The following RALGAPA2 variants were observed in gnomAD, a reference collection of about 807,000 sequenced individuals.
RALGAPA2 encodes Ral GTPase activating protein catalytic subunit alpha 2, also known as ral GTPase-activating protein subunit alpha-2.
Under a neutral mutation model 230.4 loss-of-function variants are expected in RALGAPA2, and 139 were observed. The observed-to-expected ratio is 0.60, with a 90% confidence interval of 0.53 to 0.69. The LOEUF (loss-of-function observed/expected upper bound fraction) is 0.69. RALGAPA2 is among the 30% of genes least tolerant of loss of function. The pLI, the probability that RALGAPA2 is intolerant of heterozygous loss-of-function variation, is 0.00. For synonymous variants in RALGAPA2, 847 were observed against 837.8 expected (o/e 1.01, Z -0.19); for missense variants, 2,163 against 2,276.0 (o/e 0.95, Z 1.01).
At chr20:20,570,013 T>C (rs1250427224) in intron 23 of RALGAPA2, among the ~76,000 whole-genome samples, 2 of 152,194 alleles carry the variant, frequency 1.3e-5, no homozygotes, top group African/African-American at 4.8e-5. Flanking sequence ...ATCCTCCACA[T>C]ACCCTGAGTT....
intron 20 of RALGAPA2, 48 bp from the exon 21 acceptor site, chr20:20,573,116 A>C: frequency 7.2e-7 from 1 of 1,397,512 alleles, no homozygotes; most frequent in Non-Finnish European, 9.5e-7. Context: ...TCTTGATTTC[A>C]TCATACCTTT....
At chr20:20,460,767 A>T (rs1437081621) in intron 37 of RALGAPA2, among the ~76,000 whole-genome samples, 1 of 152,214 alleles carries the variant, frequency 6.6e-6, no homozygotes, top group African/African-American at 2.4e-5. Context: ...GTGCACACAT[A>T]TGGGCATACC....
At chr20:20,701,170 T>C (rs897443840) in intron 1 of RALGAPA2, among the ~76,000 whole-genome samples, 2 of 152,250 alleles carry the variant, frequency 1.3e-5, no homozygotes, top group Admixed American at 1.3e-4. Context: ...TCATTGGATG[T>C]GTAACCTTGA....
At chr20:20,432,979 A>AC (rs1238554510) in intron 37 of RALGAPA2, among the ~76,000 whole-genome samples, 14 of 152,380 alleles carry the variant, frequency 9.2e-5, no homozygotes, top group South Asian at 4.1e-4. Flanking sequence ...ACTCGTGAGC[A>AC]CCAAGAATCT....
At chr20:20,677,712 C>T (rs539371028) in intron 2 of RALGAPA2, among the ~76,000 whole-genome samples, 7 of 132,420 alleles carry the variant, frequency 5.3e-5, no homozygotes, top group East Asian at 2.4e-4. Flanking sequence ...GGCGCGATCT[C>T]GGCTCACTGC....
chr20:20,509,417 G>A (rs779296444), intron 33 of RALGAPA2, among the ~76,000 whole-genome samples: 9 of 152,100 alleles, frequency 5.9e-5, no homozygotes, highest in Non-Finnish European at 1.3e-4. Context: ...CCTTTATCCA[G>A]GTAAAACTAC....
At chr20:20,660,179 T>A (rs906012755) in intron 3 of RALGAPA2, among the ~76,000 whole-genome samples, 1 of 151,118 alleles carries the variant, frequency 6.6e-6, no homozygotes, top group Non-Finnish European at 1.5e-5. Flanking sequence ...GGTAAGCTGA[T>A]ATTGCACCAC....
intron 23 of RALGAPA2, among the ~76,000 whole-genome samples, chr20:20,553,321 G>C (rs561567117): frequency 6.6e-6 from 1 of 152,152 alleles, no homozygotes; most frequent in Admixed American, 6.5e-5. Flanking sequence ...GGAAGCCAAG[G>C]CGGGAGGATC....
chr20:20,612,939 AG>A (rs2066019329), intron 13 of RALGAPA2, among the ~76,000 whole-genome samples: 1 of 152,240 alleles, frequency 6.6e-6, no homozygotes, highest in Admixed American at 6.5e-5. Flanking sequence ...GAATGTGATG[AG>A]AACAACAGAC....
intron 1 of RALGAPA2, among the ~76,000 whole-genome samples, chr20:20,705,066 C>G (rs1320853118): frequency 6.6e-6 from 1 of 152,236 alleles, no homozygotes; most frequent in African/African-American, 2.4e-5. Flanking sequence ...CACTCAAAAC[C>G]CTCACGGTAA....
At chr20:20,693,418 C>T (rs753496807) in intron 1 of RALGAPA2, among the ~76,000 whole-genome samples, 13 of 152,260 alleles carry the variant, frequency 8.5e-5, no homozygotes, top group Non-Finnish European at 1.6e-4. Flanking sequence ...TTTCATTAGA[C>T]ATTTTAAAGT....
At chr20:20,598,847 T>C (rs1291446974) in intron 16 of RALGAPA2, 3 of 446,788 alleles carry the variant, frequency 6.7e-6, no homozygotes, top group African/African-American at 2.0e-5. Flanking sequence ...GTAATAATTA[T>C]GTCAGAAGAA....
At chr20:20,441,871 T>G (rs1178392322) in intron 37 of RALGAPA2, among the ~76,000 whole-genome samples, 1 of 152,212 alleles carries the variant, frequency 6.6e-6, no homozygotes, top group Non-Finnish European at 1.5e-5. Context: ...AAGTATACAT[T>G]ATTTATCACA....
chr20:20,640,608 C>G (rs2066998941), intron 6 of RALGAPA2, 93 bp downstream of exon 6: 1 of 1,263,138 alleles, frequency 7.9e-7, no homozygotes, highest in Admixed American at 2.2e-5. Context: ...CAGACTCCAT[C>G]AGGATTTCTA....
chr20:20,399,266 G>T (rs1315025168), intron 38 of RALGAPA2, among the ~76,000 whole-genome samples: 1 of 147,738 alleles, frequency 6.8e-6, no homozygotes, highest in South Asian at 2.1e-4. Flanking sequence ...AGAATCGCTT[G>T]AACTGGGGAG....
intron 37 of RALGAPA2, among the ~76,000 whole-genome samples, chr20:20,435,107 A>G (rs1373019822): frequency 6.6e-6 from 1 of 152,224 alleles, no homozygotes; most frequent in Admixed American, 6.5e-5. Context: ...CATGTTTGCC[A>G]ATGCTTGAGG....
intron 37 of RALGAPA2, among the ~76,000 whole-genome samples, chr20:20,421,164 C>T (rs1181358993): frequency 3.3e-5 from 5 of 152,006 alleles, no homozygotes; most frequent in Non-Finnish European, 5.9e-5. Flanking sequence ...AGACATTTAT[C>T]CAAAGAAGAT....
chr20:20,396,513 CT>C (rs915166673), intron 39 of RALGAPA2, among the ~76,000 whole-genome samples, 181 bp downstream of exon 39: 7 of 152,252 alleles, frequency 4.6e-5, no homozygotes, highest in African/African-American at 1.7e-4. Flanking sequence ...CAAGGCTGGG[CT>C]TCCCCGGGCA....
rs145693105 is a variant in RALGAPA2 at position 20,586,652 on chromosome 20, A to G, written c.2440-1697T>C. Among the ~76,000 whole-genome samples, 815 of 152,328 alleles carry G rather than the reference A, an allele frequency of 5.4e-3. 6 individuals are homozygous for G. Among genetic ancestry groups the G allele is most frequent in the African/African-American group, 0.019 (777 of 41,572 alleles). ...ACAAAAGATTATTAGAAATTACAAG[A>G]TATGCTTGAAAAGTATAAACGTGAA... On this transcript the variant is annotated intron_variant, in intron 18 of 39. Transcript: ENST00000202677.
Sources: gnomAD v4.1 joint callset for allele counts (sites outside exome capture counted in the v4.1 genomes callset) on GRCh38, gnomAD v4.1.1 for gene constraint, MANE v1.5 for transcripts, NCBI Gene and HGNC (gene_info 2026-07-23, HGNC 2026-07-21) for gene names.